Variants in ASPRV1 observed in about 807,000 individuals in gnomAD.
ASPRV1 encodes aspartic peptidase retroviral like 1, also known as retroviral-like aspartic protease 1.
In ASPRV1, 7 loss-of-function variants were observed where a neutral mutation model predicts 11.0. That is an observed-to-expected ratio of 0.64 (90% CI 0.36 to 1.20). ASPRV1 has a LOEUF of 1.20. Ranked by LOEUF, ASPRV1 falls within the 50% of genes most tolerant of loss-of-function variation. ASPRV1 has a pLI of 0.02. For missense variants in ASPRV1, 299 were observed against 320.0 expected (o/e 0.93, Z 0.50); for synonymous variants, 136 against 138.4 (o/e 0.98, Z 0.12).
chr2:69,979,946 C>A, the ASPRV1 span, among the ~76,000 whole-genome samples: 1 of 152,164 alleles, frequency 6.6e-6, no homozygotes. Context: ...CCTGAACAGG[C>A]CTAAATTGTG....
the ASPRV1 span, among the ~76,000 whole-genome samples, chr2:70,000,336 C>CCACACACA: frequency 1.4e-4 from 18 of 126,352 alleles, no homozygotes; most frequent in African/African-American, 5.4e-4. Context: ...AAAAAAAAAA[C>CCACACACA]CACACACACA....
chr2:70,043,188 C>T, the ASPRV1 span, among the ~76,000 whole-genome samples: 125 of 152,246 alleles, frequency 8.2e-4, no homozygotes, highest in African/African-American at 2.8e-3. Context: ...GAGGCCGAGG[C>T]GGGTGTATCA....
chr2:69,982,136 G>A, the ASPRV1 span, among the ~76,000 whole-genome samples: 1 of 151,914 alleles, frequency 6.6e-6, no homozygotes, highest in African/African-American at 2.4e-5. Flanking sequence ...TTACAACAAG[G>A]ATCTACTCTT....
chr2:70,066,291 T>G, the ASPRV1 span, among the ~76,000 whole-genome samples: 2 of 151,210 alleles, frequency 1.3e-5, no homozygotes, highest in African/African-American at 4.9e-5. Context: ...CAGGCTGGAG[T>G]ACAATGGCGC....
At position 69,960,603 on chromosome 2, in the gene ASPRV1, C is replaced by T. The variant is rs533991067; in HGVS notation, c.*54G>A. 3.3e-6 allele frequency: 5 copies of T among 1,531,576 alleles called. No individual in the cohort carries two copies. The highest frequency in any genetic ancestry group is 4.4e-6 in the Non-Finnish European group (5 of 1,135,654). 94.9% of individuals were successfully genotyped at this position (1,531,576 alleles called of 1,614,324 possible). ...CCCCATGAGGATATGCAACCCCCCC[C>T]ACAGCGGTGGGTCTTCCCACCAATA... On this transcript the variant is annotated 3_prime_UTR_variant, in exon 1 of 1. Transcript: ENST00000320256.
chr2:70,034,570 C>CAAA, the ASPRV1 span, among the ~76,000 whole-genome samples: 1 of 85,082 alleles, frequency 1.2e-5, no homozygotes. Flanking sequence ...GACTTTGTCT[C>CAAA]AAAAAAAAAA....
the ASPRV1 span, among the ~76,000 whole-genome samples, chr2:70,080,713 A>T: frequency 6.6e-6 from 1 of 152,216 alleles, no homozygotes; most frequent in South Asian, 2.1e-4. Flanking sequence ...AGTATAGTCA[A>T]ATCTCAATAA....
At chr2:70,037,934 A>C in the ASPRV1 span, among the ~76,000 whole-genome samples, 4 of 152,144 alleles carry the variant, frequency 2.6e-5, no homozygotes, top group Non-Finnish European at 5.9e-5. Flanking sequence ...ATTTGTCCTA[A>C]CACTATCCTT....
the ASPRV1 span, among the ~76,000 whole-genome samples, chr2:70,053,375 G>A: frequency 1.3e-5 from 2 of 152,032 alleles, no homozygotes; most frequent in African/African-American, 4.8e-5. Flanking sequence ...GGGGGGTATA[G>A]GCACATGAGT....
chr2:70,033,382 GTTA>G, the ASPRV1 span, among the ~76,000 whole-genome samples: 1 of 151,958 alleles, frequency 6.6e-6, no homozygotes, highest in Admixed American at 6.6e-5. Flanking sequence ...AGACTGAGGG[GTTA>G]TTACCACACT....
chr2:69,964,314 A>G (rs1456830974), upstream of ASPRV1: 1 of 455,292 alleles, frequency 2.2e-6, no homozygotes, highest in Admixed American at 2.4e-5. Flanking sequence ...GTGTCTGTCC[A>G]TACAGTTCCC....
chr2:70,015,180 T>C, the ASPRV1 span, among the ~76,000 whole-genome samples: 9 of 152,208 alleles, frequency 5.9e-5, no homozygotes, highest in African/African-American at 1.7e-4. Context: ...AGAACACACA[T>C]AGAATGAAAG....
At chr2:70,012,332 T>G in the ASPRV1 span, 1 of 151,886 alleles carries the variant, frequency 6.6e-6, no homozygotes, top group Non-Finnish European at 1.5e-5. Context: ...TTTTTTGTAT[T>G]TTTAGTAGAG....
chr2:70,025,995 C>T, the ASPRV1 span, among the ~76,000 whole-genome samples: 4 of 152,164 alleles, frequency 2.6e-5, no homozygotes, highest in Non-Finnish European at 4.4e-5. Context: ...GAAAGAGATG[C>T]CACATCATGG....
At chr2:69,947,345 A>ATGAG in the ASPRV1 span, among the ~76,000 whole-genome samples, 1 of 152,138 alleles carries the variant, frequency 6.6e-6, no homozygotes. Context: ...CATTGCAGCA[A>ATGAG]TCCCATTGCT....
chr2:69,996,024 C>T, the ASPRV1 span, among the ~76,000 whole-genome samples: 1 of 151,974 alleles, frequency 6.6e-6, no homozygotes, highest in Non-Finnish European at 1.5e-5. Flanking sequence ...CATAACATCC[C>T]TAGCTCTCAC....
At chr2:70,037,906 A>C in the ASPRV1 span, among the ~76,000 whole-genome samples, 103 of 152,212 alleles carry the variant, frequency 6.8e-4, 1 homozygote, top group East Asian at 0.018. Context: ...TTTTCTTGTC[A>C]GCCAGCTGTC....
chr2:70,034,624 T>TA, the ASPRV1 span, among the ~76,000 whole-genome samples: 102 of 150,666 alleles, frequency 6.8e-4, no homozygotes, highest in Non-Finnish European at 1.3e-3. Flanking sequence ...GCAGGTCCAA[T>TA]ACTTAAAGAA....
the ASPRV1 span, among the ~76,000 whole-genome samples, chr2:70,012,606 T>C: frequency 6.6e-6 from 1 of 152,150 alleles, no homozygotes; most frequent in East Asian, 1.9e-4. Flanking sequence ...GGAGTCACAG[T>C]CTTCACCCCC....
Sources: allele counts gnomAD v4.1 joint callset (sites outside exome capture counted in the v4.1 genomes callset), GRCh38; gene constraint gnomAD v4.1.1; transcripts MANE v1.5; gene names NCBI Gene and HGNC (gene_info 2026-07-23, HGNC 2026-07-21).